AUTS2: variants seen among roughly 807,000 people sequenced by gnomAD.
AUTS2 encodes activator of transcription and developmental regulator AUTS2.
In AUTS2, 17 loss-of-function variants were observed where a neutral mutation model predicts 112.4. That is an observed-to-expected ratio of 0.15 (90% CI 0.10 to 0.23). The LOEUF (loss-of-function observed/expected upper bound fraction) is 0.23, where lower values mean the gene tolerates loss of function less well. Among genes scored for constraint, AUTS2 ranks in the 10% least tolerant of loss-of-function variants. The probability of loss-of-function intolerance (pLI) is 1.00; values close to 1 mark genes in which losing one functional copy is unlikely to be tolerated. For missense variants in AUTS2, 1,510 were observed against 1,701.6 expected (o/e 0.89, Z 1.98); for synonymous variants, 751 against 702.7 (o/e 1.07, Z -1.09).
intron 4 of AUTS2, among the ~76,000 whole-genome samples, chr7:70,303,434 GCACATA>G (rs1218469854): frequency 2.7e-4 from 39 of 142,052 alleles, no homozygotes; most frequent in South Asian, 6.7e-4. Flanking sequence ...GCGCGCGCGC[GCACATA>G]CACACACACA....
At chr7:70,418,447 G>A (rs978258115) in intron 4 of AUTS2, among the ~76,000 whole-genome samples, 2 of 152,184 alleles carry the variant, frequency 1.3e-5, no homozygotes, top group African/African-American at 2.4e-5. Context: ...ACAGTAAGGT[G>A]CAGCCACTTT....
chr7:70,091,078 T>G (rs1584707361), intron 2 of AUTS2, among the ~76,000 whole-genome samples: 2 of 152,248 alleles, frequency 1.3e-5, no homozygotes, highest in East Asian at 3.8e-4. Context: ...AAAGACATGT[T>G]AGTTGTGCAT....
intron 4 of AUTS2, among the ~76,000 whole-genome samples, chr7:70,151,882 C>A (rs919319737): frequency 6.6e-6 from 1 of 151,930 alleles, no homozygotes; most frequent in African/African-American, 2.4e-5. Context: ...AGAATAAGAC[C>A]CATAATGAAG....
chr7:69,621,977 TAAAC>T lies in AUTS2; in HGVS notation c.309+22023_309+22026del, dbSNP rs778069511. 2.1e-3 allele frequency among the ~76,000 whole-genome samples: 319 copies of T among 151,992 alleles called. 8 individuals carry two copies. Among genetic ancestry groups the T allele is most frequent in the Middle Eastern group, 3.4e-3 (1 of 294 alleles). On this transcript the variant is annotated intron_variant, in intron 1 of 18. Coordinates refer to ENST00000342771, the MANE Select transcript of AUTS2 (RefSeq NM_015570.4). Reference sequence around the variant, plus strand: ...AACTAACTTAAATCTTAAAAACAAATAAACAAACAAAAACCCTAAATACAAGCCT... The same window carrying T: ...AACTAACTTAAATCTTAAAAACAAATAAACAAAAACCCTAAATACAAGCCT...
intron 2 of AUTS2, among the ~76,000 whole-genome samples, chr7:70,045,124 G>C (rs150963951): frequency 2.0e-5 from 3 of 152,022 alleles, no homozygotes; most frequent in African/African-American, 7.3e-5. Flanking sequence ...CCATTAGAAG[G>C]TATTACATAG....
At chr7:69,979,733 A>G (rs1024640732) in intron 2 of AUTS2, among the ~76,000 whole-genome samples, 1 of 152,184 alleles carries the variant, frequency 6.6e-6, no homozygotes, top group Non-Finnish European at 1.5e-5. Flanking sequence ...CTTGTTTGCT[A>G]CTGAGGGCAG....
chr7:69,599,397 G>A lies in AUTS2; in HGVS notation c.-257G>A. 2.8e-6 allele frequency: 1 copy of A among 361,496 alleles called. No individual in the cohort carries two copies. The highest frequency in any genetic ancestry group is 4.9e-6 in the Non-Finnish European group (1 of 203,652). 22.4% of individuals were successfully genotyped at this position (361,496 alleles called of 1,614,324 possible). ...GGCATCTCCGACCCTCGGTGCTGTG[G>A]GGAGCCCCACACTTGGGCTCCTCGC... On this transcript the variant is annotated 5_prime_UTR_variant, in exon 1 of 19. Coordinates refer to ENST00000342771, the MANE Select transcript of AUTS2 (RefSeq NM_015570.4). The surrounding 1 kb of genome is among the most constrained non-coding windows in gnomAD (Gnocchi z 7.0).
intron 1 of AUTS2, among the ~76,000 whole-genome samples, chr7:69,898,814 T>C (rs932239223): frequency 1.3e-5 from 2 of 152,232 alleles, no homozygotes; most frequent in African/African-American, 4.8e-5. Context: ...AATAGACAGT[T>C]CTTTCTTGCT....
At chr7:70,647,225 A>G (rs1037993369) in intron 5 of AUTS2, among the ~76,000 whole-genome samples, 1 of 152,180 alleles carries the variant, frequency 6.6e-6, no homozygotes, top group African/African-American at 2.4e-5. Flanking sequence ...CCTCTACTCC[A>G]GGATGGAGAG....
chr7:70,547,623 C>T (rs1039632537), intron 5 of AUTS2, among the ~76,000 whole-genome samples: 2 of 152,174 alleles, frequency 1.3e-5, no homozygotes, highest in Non-Finnish European at 2.9e-5. Flanking sequence ...TACATTGTAG[C>T]ATTTATCCAT....
At chr7:70,530,325 C>T (rs1800029451) in intron 5 of AUTS2, among the ~76,000 whole-genome samples, 1 of 152,106 alleles carries the variant, frequency 6.6e-6, no homozygotes, top group Non-Finnish European at 1.5e-5. Flanking sequence ...CTTTAACGGC[C>T]TCCTGGGAGT....
intron 2 of AUTS2, among the ~76,000 whole-genome samples, chr7:69,963,787 G>T (rs1797524253): frequency 6.6e-6 from 1 of 152,076 alleles, no homozygotes; most frequent in African/African-American, 2.4e-5. Flanking sequence ...CCAGCATTTG[G>T]CATGGCTGGG....
At chr7:70,320,086 T>C (rs910837845) in intron 4 of AUTS2, among the ~76,000 whole-genome samples, 11 of 152,198 alleles carry the variant, frequency 7.2e-5, no homozygotes, top group African/African-American at 2.4e-4. Flanking sequence ...ATGAGACAAG[T>C]TTGGGATGCA....
chr7:70,242,063 C>T (rs1812643204), intron 4 of AUTS2, among the ~76,000 whole-genome samples: 1 of 152,178 alleles, frequency 6.6e-6, no homozygotes, highest in Non-Finnish European at 1.5e-5. Flanking sequence ...TCCGCAATGG[C>T]CTCCTTTCCA....
At chr7:70,605,202 A>T (rs1389529917) in intron 5 of AUTS2, among the ~76,000 whole-genome samples, 1 of 152,240 alleles carries the variant, frequency 6.6e-6, no homozygotes, top group East Asian at 1.9e-4. Context: ...TTAAAGCATC[A>T]TAAAACAGCA....
At chr7:70,364,005 G>C (rs563697233) in intron 4 of AUTS2, among the ~76,000 whole-genome samples, 1 of 152,284 alleles carries the variant, frequency 6.6e-6, no homozygotes, top group East Asian at 1.9e-4. Flanking sequence ...ACAGCTAGCA[G>C]AGCACCTTAC....
intron 1 of AUTS2, among the ~76,000 whole-genome samples, chr7:69,664,234 G>T (rs996729661): frequency 2.6e-5 from 4 of 152,122 alleles, no homozygotes; most frequent in South Asian, 2.1e-4. Flanking sequence ...CTAACACAGA[G>T]AACTCATTTT....
chr7:69,992,907 G>T (rs1207251782), intron 2 of AUTS2, among the ~76,000 whole-genome samples: 1 of 152,096 alleles, frequency 6.6e-6, no homozygotes, highest in Non-Finnish European at 1.5e-5. Flanking sequence ...AAGAAATGTG[G>T]TTTCACTAGA....
At chr7:69,767,701 T>C (rs546810967) in intron 1 of AUTS2, among the ~76,000 whole-genome samples, 3 of 152,374 alleles carry the variant, frequency 2.0e-5, no homozygotes, top group Non-Finnish European at 2.9e-5. Flanking sequence ...CTCTGGTTTA[T>C]GTATGTGATC....
Sources: gnomAD v4.1 joint callset for allele counts (sites outside exome capture counted in the v4.1 genomes callset) on GRCh38, gnomAD v4.1.1 for gene constraint, Gnocchi (gnomAD v3.1) non-coding constraint, MANE v1.5 for transcripts, NCBI Gene and HGNC (gene_info 2026-07-23, HGNC 2026-07-21) for gene names.